Variants in CDH23 observed in about 807,000 individuals in gnomAD.
CDH23 encodes the protein cadherin-23.
CDH23 carries 189 observed loss-of-function variants against 317.1 expected under a neutral mutation model. The observed-to-expected ratio is 0.60, with a 90% CI of 0.53 to 0.67. CDH23 has a LOEUF of 0.67. CDH23 is among the 30% of genes least tolerant of loss of function. The probability of loss-of-function intolerance (pLI) is 0.00; values close to 1 mark genes in which losing one functional copy is unlikely to be tolerated. For missense variants in CDH23, 4,401 were observed against 4,592.4 expected (o/e 0.96, Z 1.20); for synonymous variants, 1,839 against 1,876.8 (o/e 0.98, Z 0.52).
At chr10:71,418,896 A>T (rs1848636056) in intron 1 of CDH23, among the ~76,000 whole-genome samples, 2 of 152,224 alleles carry the variant, frequency 1.3e-5, no homozygotes, top group African/African-American at 4.8e-5. Flanking sequence ...TGAAATGGGT[A>T]TAGTAATAAT....
chr10:71,612,642 G>C (rs960564575), intron 9 of CDH23, among the ~76,000 whole-genome samples: 2 of 152,166 alleles, frequency 1.3e-5, no homozygotes, highest in South Asian at 2.1e-4. Flanking sequence ...CTGTCTGTGG[G>C]GGGGCTGGGG....
intron 1 of CDH23, among the ~76,000 whole-genome samples, chr10:71,399,221 T>G (rs1369021174): frequency 6.6e-6 from 1 of 152,224 alleles, no homozygotes; most frequent in Non-Finnish European, 1.5e-5. Flanking sequence ...GTGTGGCCTG[T>G]GGACATGCAG....
At chr10:71,503,689 A>G (rs758262798) in intron 3 of CDH23, among the ~76,000 whole-genome samples, 19 of 152,172 alleles carry the variant, frequency 1.2e-4, no homozygotes, top group Non-Finnish European at 2.1e-4. Flanking sequence ...GACTGTGAAG[A>G]CAATAACGTG....
rs766105460 is a variant in CDH23 at position 71,814,956 on chromosome 10, T to C, written c.9743T>C (p.Ile3248Thr). The C allele has an allele frequency of 4.3e-6, 7 of 1,609,864 alleles. No individual in the cohort carries two copies. Among genetic ancestry groups the C allele is most frequent in the South Asian group, 3.3e-5 (3 of 90,860 alleles). Residue 3248 changes from isoleucine (I) to threonine (T), a missense_variant, in exon 70 of 70, where the codon ATA becomes ACA. Around this residue, in one of 3 missense-constraint regions of CDH23, gnomAD observed 1,144 missense variants for 1,138.2 expected, o/e 1.01. Coordinates refer to ENST00000224721, the MANE Select transcript of CDH23 (RefSeq NM_022124.6). Reference sequence around the variant, plus strand: ...GGGGGTCCCGGCCTCTTGCAGCTGATACAGACTGAGCTGGACGAGGAGCCA... The same window carrying C: ...GGGGGTCCCGGCCTCTTGCAGCTGACACAGACTGAGCTGGACGAGGAGCCA... The part of the protein sequence containing the change: ...SSCHSSISEL[I>T]QTELDEEPGD...
At chr10:71,513,356 A>AG (rs1854101306) in intron 6 of CDH23, among the ~76,000 whole-genome samples, 1 of 151,972 alleles carries the variant, frequency 6.6e-6, no homozygotes. Flanking sequence ...GGCTCTGACC[A>AG]CAGCTGGGGT....
chr10:71,761,567 C>A, intron 38 of CDH23: 1 of 1,533,258 alleles, frequency 6.5e-7, no homozygotes, highest in Non-Finnish European at 8.8e-7. Flanking sequence ...CCTCCACACA[C>A]GCCAGGCTGT....
At chr10:71,452,900 G>A (rs562794405) in intron 3 of CDH23, among the ~76,000 whole-genome samples, 21 of 152,302 alleles carry the variant, frequency 1.4e-4, no homozygotes, top group African/African-American at 4.8e-4. Context: ...GCATTTGACA[G>A]AGGAACAAGC....
At chr10:71,789,694 C>T (rs918893296) in intron 45 of CDH23, among the ~76,000 whole-genome samples, 5 of 152,170 alleles carry the variant, frequency 3.3e-5, no homozygotes, top group South Asian at 2.1e-4. Context: ...AAGGCATGTG[C>T]GTGGGGTTAC....
Position 71,695,402 on chromosome 10 carries a change from C to G in CDH23, c.2290-16C>G, listed in dbSNP as rs762618744. 6.3e-6 allele frequency: 10 copies of G among 1,577,014 alleles called. No homozygotes were observed. In the African/African-American group the frequency reaches 9.4e-5, roughly 15 times the overall value. Reference sequence around the variant, plus strand: ...TCAGCTGGGTGTGTCTCCCAGCGCCCCTTATGGCTTCACAGGTAAACATCA... The same window carrying G: ...TCAGCTGGGTGTGTCTCCCAGCGCCGCTTATGGCTTCACAGGTAAACATCA... On this transcript the variant is annotated splice_polypyrimidine_tract_variant and intron_variant, in intron 21 of 69. Transcript: ENST00000224721.
chr10:71,626,740 G>A (rs186996531), intron 11 of CDH23, among the ~76,000 whole-genome samples: 9 of 152,312 alleles, frequency 5.9e-5, no homozygotes, highest in Non-Finnish European at 1.2e-4. Context: ...TGTAGGGTTC[G>A]TACTCTCGGA....
At chr10:71,715,670 G>A in intron 28 of CDH23, 1 of 334,340 alleles carries the variant, frequency 3.0e-6, no homozygotes. Context: ...CAGGCCAAAG[G>A]CCCAGATGAC....
intron 14 of CDH23, among the ~76,000 whole-genome samples, chr10:71,660,376 T>A (rs925980173): frequency 2.0e-5 from 3 of 152,156 alleles, no homozygotes; most frequent in African/African-American, 7.2e-5. Flanking sequence ...TTCTCCCATG[T>A]AAAAGCAGTA....
intron 16 of CDH23, 82 bp downstream of exon 16, chr10:71,677,775 T>C (rs1864437986): frequency 8.1e-7 from 1 of 1,232,154 alleles, no homozygotes; most frequent in Admixed American, 2.0e-5. Context: ...TTTTTTGTTT[T>C]TGTTTTTATG....
intron 38 of CDH23, among the ~76,000 whole-genome samples, chr10:71,772,945 A>G (rs1210800836): frequency 6.6e-6 from 1 of 152,244 alleles, no homozygotes; most frequent in African/African-American, 2.4e-5. Flanking sequence ...CTGCAACACT[A>G]GAGCCCTGAG....
intron 17 of CDH23, among the ~76,000 whole-genome samples, chr10:71,682,035 ATGAG>A (rs1864674456): frequency 6.6e-6 from 1 of 151,642 alleles, no homozygotes; most frequent in South Asian, 2.1e-4. Flanking sequence ...AAAGTGCCAG[ATGAG>A]TGAGTGAGAC....
At position 71,784,342 on chromosome 10, in the gene CDH23, G is replaced by A. The variant is rs758373901; in HGVS notation, c.5424G>A (p.Glu1808=). 11 of 1,613,796 alleles carry A rather than the reference G, an allele frequency of 6.8e-6. No homozygotes were observed. In the African/African-American group the frequency reaches 1.1e-4, roughly 16 times the overall value. Residue 1808 remains glutamate, a synonymous_variant, in exon 42 of 70, where the codon GAG becomes GAA. Coordinates refer to ENST00000224721, the MANE Select transcript of CDH23 (RefSeq NM_022124.6). ...EGVLRVRKDV[E]LDRETIAFYN... Reference sequence around the variant, plus strand: ...TGCTAAGGGTCCGGAAGGACGTGGAGCTGGACCGGGAGACCATCGCCTTCT... The same window carrying A: ...TGCTAAGGGTCCGGAAGGACGTGGAACTGGACCGGGAGACCATCGCCTTCT...
At chr10:71,512,125 G>T (rs1854025013) in intron 6 of CDH23, 1 of 152,228 alleles carries the variant, frequency 6.6e-6, no homozygotes, top group Non-Finnish European at 1.5e-5. Flanking sequence ...CATGGATGAG[G>T]CTGGGCATGG....
rs377100683 is a variant in CDH23, at chr10:71,709,124, G to T, written c.3133G>T (p.Val1045Leu). The T allele has an allele frequency of 4.5e-5, 73 of 1,613,824 alleles. No individual in the cohort carries two copies. The African/African-American group carries it at 7.9e-4, about 17-fold the overall frequency. ...TGGCAACGTGGATGGGAAGTTCAGC[G>T]TGGGTTACCGCGATGCCGTTGTGAG... is the stretch of plus-strand genomic sequence containing the variant. Reference protein sequence around the residue: ...TGGNVDGKFSVGYRDAVVRTV... With the variant: ...TGGNVDGKFSLGYRDAVVRTV... Residue 1045 changes from valine (V) to leucine (L), a missense_variant, in exon 27 of 70, where the codon GTG becomes TTG. Physicochemically the swap from Val to Leu is conservative, Grantham distance 32. This residue lies in a region of CDH23 where 3,068 missense variants were observed against 3,203.3 expected (regional missense o/e 0.96). Transcript: ENST00000224721.
intron 48 of CDH23, among the ~76,000 whole-genome samples, chr10:71,794,217 G>C (rs1276148366): frequency 3.3e-5 from 5 of 152,178 alleles, no homozygotes; most frequent in Admixed American, 3.3e-4. Flanking sequence ...GGCCAGGCTG[G>C]TCTTGATCAT....
Sources: allele counts gnomAD v4.1 joint callset (sites outside exome capture counted in the v4.1 genomes callset), GRCh38; gene constraint gnomAD v4.1.1; regional missense constraint gnomAD v4.1.1; transcripts MANE v1.5; gene names NCBI Gene and HGNC (gene_info 2026-07-23, HGNC 2026-07-21).